The following ICA1L variants were observed in gnomAD, a reference collection of about 807,000 sequenced individuals.
The protein encoded by ICA1L is islet cell autoantigen 1 like, also known as islet cell autoantigen 1-like protein.
Under a neutral mutation model 61.3 loss-of-function variants are expected in ICA1L, and 50 were observed. That is an observed-to-expected ratio of 0.82 (90% CI 0.65 to 1.03). ICA1L has a LOEUF of 1.03. ICA1L is among the 50% of genes least tolerant of loss of function. The pLI is 0.00. For synonymous variants in ICA1L, 161 were observed against 191.3 expected, an observed-to-expected ratio of 0.84 and a Z score of 1.31; for missense variants, 508 against 556.7, an observed-to-expected ratio of 0.91 and a Z score of 0.88.
intron 3 of ICA1L, chr2:202,825,383 T>C (rs1693812397): frequency 3.6e-6 from 1 of 279,152 alleles, no homozygotes; most frequent in African/African-American, 2.3e-5. Flanking sequence ...GGTGGGAGGA[T>C]CACTTGAGCC....
chr2:202,849,752 T>C lies in ICA1L; in HGVS notation c.-7-20736A>G, dbSNP rs1559147468. ...GCCTGCTGGCTCTGAAGAGAGCATC[T>C]GATCCTGACAAGGAGGATTCTCCCA... On this transcript the variant is annotated intron_variant, in intron 1 of 12. Coordinates refer to ENST00000358299, the MANE Select transcript of ICA1L (RefSeq NM_001288622.3). This position sits in a 1 kb window ranked among gnomAD's most constrained non-coding sequence, Gnocchi z 4.5. Among the ~76,000 whole-genome samples, 3 of 152,206 alleles carry C rather than the reference T, an allele frequency of 2.0e-5. No homozygotes were observed. Among genetic ancestry groups the C allele is most frequent in the Non-Finnish European group, 4.4e-5 (3 of 68,038 alleles).
chr2:202,840,699 G>A (rs1002494775), intron 1 of ICA1L: 13 of 599,322 alleles, frequency 2.2e-5, no homozygotes, highest in Middle Eastern at 8.0e-4. Context: ...TGCTTGGCCC[G>A]CTGCAGGGCA....
At chr2:202,798,441 A>G (rs540512248) in intron 9 of ICA1L, among the ~76,000 whole-genome samples, 5 of 152,206 alleles carry the variant, frequency 3.3e-5, no homozygotes, top group Admixed American at 2.6e-4. Flanking sequence ...GGGTCTCACT[A>G]TGTTACCCAG....
chr2:202,817,905 C>A (rs1194294157), intron 5 of ICA1L, among the ~76,000 whole-genome samples: 1 of 152,162 alleles, frequency 6.6e-6, no homozygotes, highest in African/African-American at 2.4e-5. Flanking sequence ...CTCGTTAAAG[C>A]ACTGAGAAAC....
At chr2:202,867,290 T>A (rs138108200) in intron 1 of ICA1L, among the ~76,000 whole-genome samples, 1 of 152,318 alleles carries the variant, frequency 6.6e-6, no homozygotes, top group East Asian at 1.9e-4. Flanking sequence ...GGGGATATGT[T>A]CTGAGAAATG....
chr2:202,798,534 C>T (rs1050440431), intron 9 of ICA1L, among the ~76,000 whole-genome samples: 1 of 152,182 alleles, frequency 6.6e-6, no homozygotes, highest in South Asian at 2.1e-4. Context: ...AGCCACCATA[C>T]CTGGACAAGG....
In ICA1L at chr2:202,786,220, A is replaced by G. The variant is rs183040013; in HGVS notation, c.1244-213T>C. ...GGATCCGACTTCCTTACATTTTTCA[A>G]AGTGGTTTTGAAATAAATATGTGGG... is the stretch of plus-strand genomic sequence containing the variant. On this transcript the variant is annotated intron_variant, in intron 11 of 12. Coordinates refer to ENST00000358299, the MANE Select transcript of ICA1L (RefSeq NM_001288622.3). Among the ~76,000 whole-genome samples the G allele has an allele frequency of 4.6e-5, 7 of 152,316 alleles. No individual in the cohort carries two copies. The East Asian group carries it at 1.4e-3, about 29-fold the overall frequency.
intron 9 of ICA1L, among the ~76,000 whole-genome samples, chr2:202,800,558 T>C (rs1693062456): frequency 6.6e-6 from 1 of 152,182 alleles, no homozygotes; most frequent in South Asian, 2.1e-4. Flanking sequence ...GTCATTGGTT[T>C]ACTCAGTATA....
At position 202,849,928 on chromosome 2, in the gene ICA1L, G is replaced by C. The variant is rs957113319; in HGVS notation, c.-7-20912C>G. On this transcript the variant is annotated intron_variant, in intron 1 of 12. Transcript: ENST00000358299. This position sits in a 1 kb window ranked among gnomAD's most constrained non-coding sequence, Gnocchi z 4.5. ...GCTGGCATCAGGCTGGTGCCCCTCT[G>C]GAACAAAGCTTTCAGAGGAAGGAAC... Among the ~76,000 whole-genome samples the C allele has an allele frequency of 2.0e-5, 3 of 152,246 alleles. No homozygotes were observed. The South Asian group carries it at 6.2e-4, about 32-fold the overall frequency.
rs1692166556 is a variant in ICA1L, at chr2:202,774,662, G to A, written c.*4871C>T. The A allele has an allele frequency of 4.7e-6, 1 of 213,538 alleles. No homozygotes were observed. 13.2% of individuals were successfully genotyped at this position (213,538 alleles called of 1,614,324 possible). A position where few individuals can be genotyped will look rare whatever the true frequency, so the allele number is the denominator to read the frequency against. ...GGGAGCGGAGAGGCCTAAGACATGG[G>A]CAGGAGCCTTTGGGTCAGGGAGAAG... On this transcript the variant is annotated 3_prime_UTR_variant, in exon 13 of 13. Coordinates refer to ENST00000358299, the MANE Select transcript of ICA1L (RefSeq NM_001288622.3).
chr2:202,856,657 AG>A (rs1450576935), intron 1 of ICA1L, among the ~76,000 whole-genome samples: 1 of 152,200 alleles, frequency 6.6e-6, no homozygotes, highest in Admixed American at 6.5e-5. Context: ...AAAGAAATAA[AG>A]GGTATTCAAA....
intron 9 of ICA1L, among the ~76,000 whole-genome samples, chr2:202,803,815 A>G (rs749012522): frequency 6.6e-6 from 1 of 152,186 alleles, no homozygotes; most frequent in Non-Finnish European, 1.5e-5. Context: ...GGCATGTGCC[A>G]CCACGCCTGG....
intron 1 of ICA1L, among the ~76,000 whole-genome samples, chr2:202,850,480 T>G (rs757041478): frequency 2.0e-4 from 31 of 152,052 alleles, no homozygotes; most frequent in Non-Finnish European, 2.5e-4. Context: ...GCAAGAGAAC[T>G]TCGTGAAGCA....
Position 202,774,367 on chromosome 2 carries a change from C to A in ICA1L, c.*5166G>T. 7.5e-7 allele frequency: 1 copy of A among 1,328,306 alleles called. No homozygotes were observed. Among genetic ancestry groups the A allele is most frequent in the South Asian group, 1.8e-5 (1 of 56,594 alleles). The allele number at this position is 1,328,306 out of a possible 1,614,324, so 82.3% of individuals were successfully genotyped here. On this transcript the variant is annotated 3_prime_UTR_variant, in exon 13 of 13. Transcript: ENST00000358299. ...TGCCGCGCGCTCCGCTCAGCGTGGT[C>A]TGGCAGCCGGAGACCAGGCCTCACT...
At chr2:202,844,482 A>G (rs531457448) in intron 1 of ICA1L, 24 of 152,356 alleles carry the variant, frequency 1.6e-4, no homozygotes, top group Non-Finnish European at 2.6e-4. Context: ...ACAATGGTCA[A>G]GTTTCTGGAT....
intron 11 of ICA1L, 134 bp downstream of exon 11, chr2:202,788,696 G>A (rs1257408912): frequency 1.4e-5 from 12 of 852,132 alleles, no homozygotes; most frequent in Non-Finnish European, 2.2e-5. Flanking sequence ...GTTGATTGGT[G>A]GACTGCAGAT....
At chr2:202,787,462 T>C (rs184256759) in intron 11 of ICA1L, among the ~76,000 whole-genome samples, 116 of 152,358 alleles carry the variant, frequency 7.6e-4, no homozygotes, top group Admixed American at 4.4e-3. Flanking sequence ...TTTTTAAAGA[T>C]GTTACTGTAG....
At chr2:202,834,911 G>A (rs945447207) in intron 1 of ICA1L, among the ~76,000 whole-genome samples, 3 of 151,948 alleles carry the variant, frequency 2.0e-5, no homozygotes, top group Non-Finnish European at 4.4e-5. Flanking sequence ...GCTCACTGCA[G>A]TCTCAAACTC....
chr2:202,864,625 A>ATGTGTGTGTGTGTGTGTG (rs1238682382), intron 1 of ICA1L, among the ~76,000 whole-genome samples: 4 of 135,320 alleles, frequency 3.0e-5, no homozygotes, highest in Admixed American at 7.4e-5. Context: ...GTGTATATAT[A>ATGTGTGTGTGTGTGTGTG]TATGTGTGTG....
Sources: allele counts gnomAD v4.1 joint callset (sites outside exome capture counted in the v4.1 genomes callset), GRCh38; gene constraint gnomAD v4.1.1; non-coding constraint Gnocchi (gnomAD v3.1); transcripts MANE v1.5; gene names NCBI Gene and HGNC (gene_info 2026-07-23, HGNC 2026-07-21).